The following R3HCC1L variants were observed in gnomAD, a reference collection of about 807,000 sequenced individuals.
R3HCC1L encodes R3H domain and coiled-coil containing 1 like.
In R3HCC1L, 51 loss-of-function variants were observed where a neutral mutation model predicts 59.9. That is an observed-to-expected ratio of 0.85 (90% confidence interval 0.68 to 1.07). The LOEUF (loss-of-function observed/expected upper bound fraction) is 1.07. R3HCC1L is among the 50% of genes least tolerant of loss of function. The probability of loss-of-function intolerance (pLI) is 0.00; values close to 1 mark genes in which losing one functional copy is unlikely to be tolerated. For synonymous variants in R3HCC1L, 322 were observed against 315.2 expected (o/e 1.02, Z -0.23); for missense variants, 965 against 933.0 (o/e 1.03, Z -0.45).
At chr10:98,234,400 A>G (rs1856694100) in intron 6 of R3HCC1L, 46 bp from the exon 7 acceptor site, 1 of 1,545,220 alleles carries the variant, frequency 6.5e-7, no homozygotes, top group African/African-American at 1.4e-5. Context: ...TGTTTCATAA[A>G]AGTAAATTTT....
At chr10:98,220,970 G>T (rs1204259734) in intron 5 of R3HCC1L, among the ~76,000 whole-genome samples, 3 of 146,124 alleles carry the variant, frequency 2.1e-5, no homozygotes, top group Non-Finnish European at 4.6e-5. Flanking sequence ...TTCCACAATG[G>T]TTGAACTAGT....
In R3HCC1L at chr10:98,220,039, C is replaced by T. The variant is rs533115672; in HGVS notation, c.1785+10140C>T. 6.6e-5 allele frequency among the ~76,000 whole-genome samples: 10 copies of T among 152,248 alleles called. No individual in the cohort carries two copies. In the South Asian group the frequency reaches 1.7e-3, roughly 25 times the overall value. On this transcript the variant is annotated intron_variant, in intron 5 of 9. Coordinates refer to ENST00000298999, the MANE Select transcript of R3HCC1L (RefSeq NM_001351015.2). ...AAATATTTGTCACTTTGTGATGTCC[C>T]TCATTTCATGTAGGCTTTCTTTATT...
chr10:98,166,037 G>A (rs1213251892), intron 4 of R3HCC1L, among the ~76,000 whole-genome samples: 2 of 152,198 alleles, frequency 1.3e-5, no homozygotes, highest in Non-Finnish European at 2.9e-5. Flanking sequence ...TGGCCTGGTG[G>A]CACATGCCTG....
intron 2 of R3HCC1L, among the ~76,000 whole-genome samples, chr10:98,161,947 A>G (rs1847455873): frequency 6.6e-6 from 1 of 152,192 alleles, no homozygotes; most frequent in South Asian, 2.1e-4. Context: ...TTAAATTTAT[A>G]AATTAACATG....
chr10:98,200,751 A>G (rs1851945941), intron 4 of R3HCC1L, among the ~76,000 whole-genome samples: 1 of 152,170 alleles, frequency 6.6e-6, no homozygotes, highest in Non-Finnish European at 1.5e-5. Flanking sequence ...TAACTTTTAT[A>G]TCAAATTTGA....
intron 1 of R3HCC1L, 112 bp from the exon 2 acceptor site, chr10:98,155,981 G>T (rs1359829300): frequency 1.3e-5 from 2 of 151,496 alleles, no homozygotes; most frequent in Non-Finnish European, 2.9e-5. Context: ...AATTTTATTT[G>T]CTGATAGTGT....
At chr10:98,163,646 C>T (rs1000203279) in intron 4 of R3HCC1L, among the ~76,000 whole-genome samples, 12 of 152,134 alleles carry the variant, frequency 7.9e-5, no homozygotes, top group Admixed American at 3.3e-4. Flanking sequence ...TATTGGGATT[C>T]GTTTTCAAAG....
chr10:98,226,810 AAG>A (rs1855722697), intron 5 of R3HCC1L, among the ~76,000 whole-genome samples: 1 of 152,064 alleles, frequency 6.6e-6, no homozygotes, highest in Non-Finnish European at 1.5e-5. Context: ...GAATTTATTA[AAG>A]TTTAACTGAT....
At chr10:98,197,711 C>T (rs1851593754) in intron 4 of R3HCC1L, among the ~76,000 whole-genome samples, 1 of 152,100 alleles carries the variant, frequency 6.6e-6, no homozygotes, top group South Asian at 2.1e-4. Flanking sequence ...AAGAAACTAA[C>T]TCTACACTGA....
At chr10:98,230,065 G>A (rs1374532166) in intron 5 of R3HCC1L, among the ~76,000 whole-genome samples, 2 of 152,142 alleles carry the variant, frequency 1.3e-5, no homozygotes, top group Admixed American at 1.3e-4. Context: ...GTCTCTGCCA[G>A]GCTTTGGTAT....
chr10:98,207,171 T>C (rs1030466745), intron 4 of R3HCC1L, among the ~76,000 whole-genome samples: 3 of 152,226 alleles, frequency 2.0e-5, no homozygotes, highest in Non-Finnish European at 4.4e-5. Context: ...TGTGTGTATG[T>C]GGGTGTTTCT....
At chr10:98,228,410 G>A (rs552943812) in intron 5 of R3HCC1L, among the ~76,000 whole-genome samples, 7 of 152,240 alleles carry the variant, frequency 4.6e-5, no homozygotes, top group East Asian at 3.9e-4. Context: ...CATATCCTTC[G>A]CCCACTTGTT....
chr10:98,217,451 T>C (rs1185508468), intron 5 of R3HCC1L, among the ~76,000 whole-genome samples: 1 of 152,238 alleles, frequency 6.6e-6, no homozygotes, highest in Non-Finnish European at 1.5e-5. Flanking sequence ...GGTAGTGTGA[T>C]ACCTCCAGAT....
At chr10:98,223,739 G>A (rs1406655722) in intron 5 of R3HCC1L, among the ~76,000 whole-genome samples, 1 of 151,996 alleles carries the variant, frequency 6.6e-6, no homozygotes, top group African/African-American at 2.4e-5. Context: ...ACCAGGTAGA[G>A]GCCAGTCCTT....
At chr10:98,201,674 T>C (rs1465447425) in intron 4 of R3HCC1L, among the ~76,000 whole-genome samples, 1 of 152,200 alleles carries the variant, frequency 6.6e-6, no homozygotes, top group African/African-American at 2.4e-5. Flanking sequence ...CTGTATTTTC[T>C]AGAAAAGAAA....
intron 4 of R3HCC1L, among the ~76,000 whole-genome samples, chr10:98,189,519 G>A (rs1251725472): frequency 6.6e-6 from 1 of 152,124 alleles, no homozygotes; most frequent in Admixed American, 6.5e-5. Flanking sequence ...ATGTTAAAGA[G>A]AAGACCTATA....
intron 5 of R3HCC1L, among the ~76,000 whole-genome samples, chr10:98,222,089 C>G (rs1004423628): frequency 3.3e-5 from 5 of 152,036 alleles, no homozygotes; most frequent in Admixed American, 2.0e-4. Context: ...TGAAGAGGTC[C>G]TTCACATCCC....
At chr10:98,158,171 T>G (rs1478707026) in intron 2 of R3HCC1L, among the ~76,000 whole-genome samples, 1 of 152,226 alleles carries the variant, frequency 6.6e-6, no homozygotes, top group African/African-American at 2.4e-5. Context: ...TATATATTTT[T>G]CTAGTCTTTG....
At chr10:98,174,507 A>T (rs1031094410) in intron 4 of R3HCC1L, 1 of 831,788 alleles carries the variant, frequency 1.2e-6, no homozygotes, top group Non-Finnish European at 1.4e-6. Flanking sequence ...AGAGTGTGAG[A>T]TGGCATTCAT....
Sources: gnomAD v4.1 joint callset for allele counts (sites outside exome capture counted in the v4.1 genomes callset) on GRCh38, gnomAD v4.1.1 for gene constraint, MANE v1.5 for transcripts, NCBI Gene and HGNC (gene_info 2026-07-23, HGNC 2026-07-21) for gene names.